Variants in PLXDC2 observed in about 807,000 individuals in gnomAD.
The protein encoded by PLXDC2 is plexin domain-containing protein 2.
In PLXDC2, 40 loss-of-function variants were observed where a neutral mutation model predicts 68.9. The observed-to-expected ratio is 0.58, with a 90% confidence interval of 0.45 to 0.76. The LOEUF (loss-of-function observed/expected upper bound fraction) is 0.76. PLXDC2 is among the 30% of genes least tolerant of loss of function. The pLI is 0.00. For missense variants in PLXDC2, 644 were observed against 661.9 expected (o/e 0.97, Z 0.30); for synonymous variants, 243 against 234.2 (o/e 1.04, Z -0.34).
intron 10 of PLXDC2, among the ~76,000 whole-genome samples, chr10:20,216,930 TC>T (rs1185499548): frequency 1.3e-5 from 2 of 152,054 alleles, no homozygotes; most frequent in African/African-American, 4.8e-5. Context: ...AGACATTCAT[TC>T]AACTTGTGAC....
At chr10:20,254,530 T>G (rs1450053322) in intron 13 of PLXDC2, among the ~76,000 whole-genome samples, 1 of 152,190 alleles carries the variant, frequency 6.6e-6, no homozygotes, top group East Asian at 1.9e-4. Context: ...TTACTTCAGT[T>G]TTAAAGAAAA....
chr10:20,105,328 A>G (rs1833477796), intron 4 of PLXDC2, among the ~76,000 whole-genome samples: 1 of 152,202 alleles, frequency 6.6e-6, no homozygotes, highest in South Asian at 2.1e-4. Context: ...TATAACCACA[A>G]TGTACAATGT....
At chr10:20,256,428 A>C (rs1183593417) in intron 13 of PLXDC2, among the ~76,000 whole-genome samples, 1 of 128,928 alleles carries the variant, frequency 7.8e-6, no homozygotes, top group Non-Finnish European at 1.8e-5. Flanking sequence ...CCACCACACC[A>C]GGCCCCCCAA....
At chr10:20,151,105 G>A (rs910845525) in intron 6 of PLXDC2, among the ~76,000 whole-genome samples, 1 of 151,886 alleles carries the variant, frequency 6.6e-6, no homozygotes, top group African/African-American at 2.4e-5. Context: ...TACTTTTCTA[G>A]TCTACCACTT....
At chr10:20,175,790 C>T (rs529866778) in intron 7 of PLXDC2, among the ~76,000 whole-genome samples, 31 of 152,188 alleles carry the variant, frequency 2.0e-4, no homozygotes, top group African/African-American at 7.2e-4. Context: ...CATGATTGCA[C>T]CACTGACTGG....
At chr10:20,140,193 A>G (rs888787647) in intron 4 of PLXDC2, among the ~76,000 whole-genome samples, 1 of 151,992 alleles carries the variant, frequency 6.6e-6, no homozygotes, top group African/African-American at 2.4e-5. Flanking sequence ...TCAGCTTCTC[A>G]GGAGGCTGAA....
At chr10:20,197,538 A>C (rs1834856116) in intron 9 of PLXDC2, among the ~76,000 whole-genome samples, 1 of 152,066 alleles carries the variant, frequency 6.6e-6, no homozygotes, top group Admixed American at 6.6e-5. Context: ...TTGTATTTTT[A>C]GTAGAAATGG....
chr10:19,955,191 C>G (rs978422012), intron 1 of PLXDC2, among the ~76,000 whole-genome samples: 2 of 141,368 alleles, frequency 1.4e-5, no homozygotes, highest in African/African-American at 5.6e-5. Flanking sequence ...ATGCCCAGCT[C>G]ATTTTTCAAT....
chr10:20,103,162 C>T (rs1470048414), intron 4 of PLXDC2, among the ~76,000 whole-genome samples: 2 of 152,144 alleles, frequency 1.3e-5, no homozygotes, highest in African/African-American at 4.8e-5. Flanking sequence ...ACCCACAATA[C>T]TTTTAGGGGC....
intron 2 of PLXDC2, among the ~76,000 whole-genome samples, chr10:20,038,848 CA>C (rs1038157783): frequency 2.0e-5 from 3 of 152,110 alleles, no homozygotes; most frequent in Non-Finnish European, 4.4e-5. Flanking sequence ...GGTGGAGATT[CA>C]GGGGTGGGAA....
intron 3 of PLXDC2, among the ~76,000 whole-genome samples, chr10:20,061,184 C>G (rs1836096792): frequency 6.6e-6 from 1 of 152,142 alleles, no homozygotes; most frequent in African/African-American, 2.4e-5. Flanking sequence ...TCCAATTTTG[C>G]TAATTGTCAG....
At chr10:19,977,215 T>G (rs763752620) in intron 1 of PLXDC2, among the ~76,000 whole-genome samples, 4 of 152,204 alleles carry the variant, frequency 2.6e-5, no homozygotes. Flanking sequence ...CCAGGTCTTT[T>G]TATCGGTCTT....
At chr10:20,232,866 T>G (rs1360466890) in intron 12 of PLXDC2, among the ~76,000 whole-genome samples, 4 of 152,130 alleles carry the variant, frequency 2.6e-5, no homozygotes, top group Non-Finnish European at 5.9e-5. Flanking sequence ...ATTCCTGCAT[T>G]TCAAATATGC....
intron 4 of PLXDC2, among the ~76,000 whole-genome samples, chr10:20,073,408 A>T (rs1316636510): frequency 6.6e-6 from 1 of 152,216 alleles, no homozygotes; most frequent in African/African-American, 2.4e-5. Context: ...AACAATATAG[A>T]CATATACATC....
chr10:19,948,381 T>C (rs11011695), intron 1 of PLXDC2, among the ~76,000 whole-genome samples: 67,393 of 128,762 alleles, frequency 0.52, 16,069 homozygotes, highest in African/African-American at 0.64. Flanking sequence ...TGATTTTCTT[T>C]CTTTCTTTCT....
At position 19,873,636 on chromosome 10, in the gene PLXDC2, A is replaced by G. The variant is rs573158502; in HGVS notation, c.112+56445A>G. ...TTTGTCAAAGTATGATCCTTTGCAC[A>G]TTGAACCAGAAGTGTAGTTTTAGCA... On this transcript the variant is annotated intron_variant, in intron 1 of 13. Transcript: ENST00000377252. Among the ~76,000 whole-genome samples the G allele has an allele frequency of 3.7e-3, 559 of 152,272 alleles. 1 individual carries two copies. Among genetic ancestry groups the G allele is most frequent in the Admixed American group, 7.2e-3 (110 of 15,292 alleles).
At chr10:19,898,084 A>G (rs1057454994) in intron 1 of PLXDC2, among the ~76,000 whole-genome samples, 5 of 152,216 alleles carry the variant, frequency 3.3e-5, no homozygotes, top group Non-Finnish European at 5.9e-5. Context: ...AAAATAAATA[A>G]TATTATTTCC....
chr10:20,177,248 T>G, intron 8 of PLXDC2, 80 bp from the exon 9 acceptor site: 1 of 1,385,120 alleles, frequency 7.2e-7, no homozygotes, highest in Non-Finnish European at 1.0e-6. Flanking sequence ...GGGGCAGTGA[T>G]TTTTATTCTG....
At chr10:19,926,892 G>A (rs1833545348) in intron 1 of PLXDC2, among the ~76,000 whole-genome samples, 1 of 152,174 alleles carries the variant, frequency 6.6e-6, no homozygotes, top group African/African-American at 2.4e-5. Context: ...GACTTTAGAA[G>A]TTCACAGGTA....
Sources: allele counts gnomAD v4.1 joint callset (sites outside exome capture counted in the v4.1 genomes callset), GRCh38; gene constraint gnomAD v4.1.1; transcripts MANE v1.5; gene names NCBI Gene and HGNC (gene_info 2026-07-23, HGNC 2026-07-21).